SHD: variants seen among roughly 807,000 people sequenced by gnomAD.
SHD encodes the protein Src homology 2 domain containing transforming protein D, also known as SH2 domain-containing adapter protein D.
In SHD, 29 loss-of-function variants were observed where a neutral mutation model predicts 31.2. That is an observed-to-expected ratio of 0.93 (90% CI 0.69 to 1.27). SHD has a LOEUF of 1.27. Ranked by LOEUF, SHD falls within the 50% of genes most tolerant of loss-of-function variation. The probability of loss-of-function intolerance (pLI) is 0.00; values close to 1 mark genes in which losing one functional copy is unlikely to be tolerated. For missense variants in SHD, 520 were observed against 453.8 expected, an observed-to-expected ratio of 1.15 and a Z score of -1.33; for synonymous variants, 208 against 187.8, an observed-to-expected ratio of 1.11 and a Z score of -0.88.
intron 3 of SHD, 128 bp from the exon 4 acceptor site, chr19:4,284,653 G>A: frequency 2.5e-6 from 3 of 1,188,616 alleles, no homozygotes; most frequent in Non-Finnish European, 1.1e-6. Context: ...CTTAAGCCCA[G>A]CCCCTGGGCT....
intron 3 of SHD, among the ~76,000 whole-genome samples, chr19:4,283,573 T>C (rs1273098912): frequency 2.6e-5 from 4 of 151,434 alleles, no homozygotes; most frequent in African/African-American, 9.7e-5. Context: ...TTTATTTTAT[T>C]TTATTTTTCT....
intron 1 of SHD, among the ~76,000 whole-genome samples, chr19:4,282,091 T>C (rs1354838070): frequency 6.6e-6 from 1 of 152,006 alleles, no homozygotes; most frequent in Non-Finnish European, 1.5e-5. Flanking sequence ...GCGAGCACTT[T>C]TGGGTAACAG....
At chr19:4,286,294 TCCTTCCTTCCTTCCTTCCTTCCTA>T (rs1971316444) in intron 4 of SHD, among the ~76,000 whole-genome samples, 1 of 138,134 alleles carries the variant, frequency 7.2e-6, no homozygotes, top group Non-Finnish European at 1.5e-5. Context: ...TTTCTTTCCT[TCCTTCCTTCCTTCCTTCCTTCCTA>T]CCTTCCTTCC....
rs1214210888 is a variant in SHD, at chr19:4,279,920, G to T, written c.-144G>T. 7 of 1,029,708 alleles carry T rather than the reference G, an allele frequency of 6.8e-6. No individual in the cohort carries two copies. Among genetic ancestry groups the T allele is most frequent in the African/African-American group, 6.5e-5 (4 of 61,508 alleles). 63.8% of individuals were successfully genotyped at this position (1,029,708 alleles called of 1,614,324 possible). A position where few individuals can be genotyped will look rare whatever the true frequency, so the allele number is the denominator to read the frequency against. On this transcript the variant is annotated 5_prime_UTR_variant, in exon 1 of 6. Coordinates refer to ENST00000543264, the MANE Select transcript of SHD (RefSeq NM_020209.4). This position sits in a 1 kb window ranked among gnomAD's most constrained non-coding sequence, Gnocchi z 7.5. ...CTTCCCTCTATCCATCCAGAGCCCC[G>T]CCAAAGGGCGCACCTGATCTTTCTC...
intron 1 of SHD, among the ~76,000 whole-genome samples, chr19:4,280,561 C>G (rs1236626852): frequency 6.6e-6 from 1 of 152,128 alleles, no homozygotes; most frequent in African/African-American, 2.4e-5. Flanking sequence ...CAGTCTCCCC[C>G]TGTCACCCAG....
chr19:4,286,222 C>CT (rs201627056), intron 4 of SHD, among the ~76,000 whole-genome samples: 14 of 99,128 alleles, frequency 1.4e-4, no homozygotes, highest in Middle Eastern at 4.5e-3. Context: ...TTCTTTCTTT[C>CT]TTTCTTTCTT....
intron 1 of SHD, among the ~76,000 whole-genome samples, chr19:4,282,270 A>G (rs1351732585): frequency 1.3e-5 from 2 of 151,874 alleles, no homozygotes; most frequent in African/African-American, 2.4e-5. Context: ...AAATGCAAAA[A>G]TTAGCCAGGT....
At chr19:4,281,239 G>A (rs1163363564) in intron 1 of SHD, among the ~76,000 whole-genome samples, 1 of 151,370 alleles carries the variant, frequency 6.6e-6, no homozygotes, top group Non-Finnish European at 1.5e-5. Context: ...GAGCCCAGGA[G>A]TTCGAGACCA....
rs1390712287 is a variant in SHD at position 4,280,303 on chromosome 19, G to A, written c.240G>A (p.Lys80=). ...GTTCTCCCAAGCACCGGCTCATCAA[G>A]GTGGAGGCTGCGGATATGGCCAGAG... is the stretch of plus-strand genomic sequence containing the variant. ...KYGSPKHRLI[K]VEAADMARAK... Residue 80 remains lysine, a synonymous_variant, in exon 1 of 6, where the codon AAG becomes AAA. Transcript: ENST00000543264. 3.2e-5 allele frequency: 51 copies of A among 1,607,680 alleles called. No homozygotes were observed. Among genetic ancestry groups the A allele is most frequent in the Non-Finnish European group, 4.2e-5 (50 of 1,177,346 alleles).
At chr19:4,286,099 C>T (rs959308560) in intron 4 of SHD, among the ~76,000 whole-genome samples, 4 of 151,530 alleles carry the variant, frequency 2.6e-5, no homozygotes, top group Non-Finnish European at 5.9e-5. Context: ...ACCATGTTAG[C>T]CAGGCTGGTC....
At chr19:4,290,322 C>T (rs1380566536) in intron 5 of SHD, 125 bp from the exon 6 acceptor site, 32 of 977,452 alleles carry the variant, frequency 3.3e-5, no homozygotes, top group Admixed American at 7.6e-5. Context: ...CACCACACTG[C>T]TGTTTACCAG....
At chr19:4,284,394 AG>A (rs892892396) in intron 3 of SHD, 5 of 162,508 alleles carry the variant, frequency 3.1e-5, no homozygotes, top group African/African-American at 1.2e-4. Flanking sequence ...TATGACTGGG[AG>A]GGTATTTAGA....
intron 4 of SHD, among the ~76,000 whole-genome samples, chr19:4,286,322 T>A (rs551730342): frequency 7.9e-5 from 11 of 138,748 alleles, no homozygotes; most frequent in South Asian, 4.6e-4. Context: ...CTTCCTACCT[T>A]CCTTCCTTCC....
intron 5 of SHD, 54 bp from the exon 6 acceptor site, chr19:4,290,393 C>T (rs934803848): frequency 9.0e-6 from 14 of 1,551,716 alleles, no homozygotes; most frequent in African/African-American, 1.4e-5. Context: ...GGGGATGGTG[C>T]CTTTCTGGGT....
intron 1 of SHD, among the ~76,000 whole-genome samples, chr19:4,282,402 G>A (rs1599511813): frequency 6.6e-6 from 1 of 151,058 alleles, no homozygotes; most frequent in Non-Finnish European, 1.5e-5. Flanking sequence ...CCTGGGCAAC[G>A]GAGCAAGACT....
rs981548503 is a variant in SHD at position 4,280,002 on chromosome 19, C to A, written c.-62C>A. Reference sequence around the variant, plus strand: ...TCCTCCTCCTCCTTGGGGAAAGGGGCCCGGAGAAGGGCATGTGGGGGCCCC... The same window carrying A: ...TCCTCCTCCTCCTTGGGGAAAGGGGACCGGAGAAGGGCATGTGGGGGCCCC... On this transcript the variant is annotated 5_prime_UTR_variant, in exon 1 of 6. Transcript: ENST00000543264. The A allele has an allele frequency of 4.7e-6, 7 of 1,485,956 alleles. No individual in the cohort carries two copies. The highest frequency in any genetic ancestry group is 1.4e-5 in the African/African-American group (1 of 70,606). The allele number at this position is 1,485,956 out of a possible 1,614,324, so 92.0% of individuals were successfully genotyped here.
intron 4 of SHD, among the ~76,000 whole-genome samples, chr19:4,286,360 CT>C (rs994967245): frequency 3.0e-5 from 4 of 134,962 alleles, no homozygotes; most frequent in Non-Finnish European, 4.7e-5. Flanking sequence ...TTCTTTCTTT[CT>C]TTTGAGACAG....
Position 4,280,125 on chromosome 19 carries a change from C to T in SHD, c.62C>T (p.Pro21Leu). The change falls in exon 1 of 6, where the codon CCC becomes CTC. Residue 21 changes from proline (P) to leucine (L), a missense_variant. By Grantham distance (98) the Pro-to-Leu change is moderately conservative. Transcript: ENST00000543264. ...FGGRRPPPQP[P>L]TPDYTESDIL... ...GGTCGGAGGCCCCCTCCGCAGCCGC[C>T]CACCCCGGACTACACCGAGAGCGAC... is the stretch of plus-strand genomic sequence containing the variant. The T allele has an allele frequency of 1.2e-6, 2 of 1,613,544 alleles. No homozygotes were observed. The highest frequency in any genetic ancestry group is 2.2e-5 in the East Asian group (1 of 44,840).
chr19:4,287,443 G>A (rs879855317), intron 4 of SHD, among the ~76,000 whole-genome samples: 4 of 152,066 alleles, frequency 2.6e-5, no homozygotes, highest in Admixed American at 6.6e-5. Flanking sequence ...GAGGGAGGCT[G>A]TGAAGATCAA....
Sources: gnomAD v4.1 joint callset for allele counts (sites outside exome capture counted in the v4.1 genomes callset) on GRCh38, gnomAD v4.1.1 for gene constraint, Gnocchi (gnomAD v3.1) non-coding constraint, MANE v1.5 for transcripts, NCBI Gene and HGNC (gene_info 2026-07-23, HGNC 2026-07-21) for gene names.